GRID1: variants seen among roughly 807,000 people sequenced by gnomAD.
GRID1 encodes glutamate receptor ionotropic, delta-1.
GRID1 carries 28 observed loss-of-function variants against 98.0 expected under a neutral mutation model. The ratio of observed to expected loss-of-function variants is 0.29; its 90% confidence interval spans 0.21 to 0.39. The LOEUF is 0.39. GRID1 is among the 10% of genes least tolerant of loss of function. The pLI is 1.00. For missense variants in GRID1, 1,111 were observed against 1,340.5 expected, an observed-to-expected ratio of 0.83 and a Z score of 2.67; for synonymous variants, 553 against 538.5, an observed-to-expected ratio of 1.03 and a Z score of -0.37.
chr10:85,818,344 G>GGACA (rs148515518), intron 8 of GRID1, among the ~76,000 whole-genome samples: 30,662 of 151,962 alleles, frequency 0.2, 3,162 homozygotes, highest in South Asian at 0.27. Context: ...ATGGATGAAT[G>GGACA]GATAGATAGA....
intron 5 of GRID1, among the ~76,000 whole-genome samples, chr10:85,908,602 C>A: frequency 6.6e-6 from 1 of 152,110 alleles, no homozygotes; most frequent in East Asian, 1.9e-4. Flanking sequence ...TTTATGACAT[C>A]AATTCTCCCA....
intron 2 of GRID1, among the ~76,000 whole-genome samples, chr10:86,330,841 C>G (rs147286983): frequency 6.6e-6 from 1 of 152,230 alleles, no homozygotes; most frequent in Middle Eastern, 3.2e-3. Context: ...AGACCTGGTA[C>G]AACTGCCCTG....
chr10:85,675,084 T>C (rs954349043), intron 12 of GRID1, among the ~76,000 whole-genome samples: 3 of 152,168 alleles, frequency 2.0e-5, no homozygotes, highest in Admixed American at 2.0e-4. Context: ...TGTCATTTCC[T>C]CTTAGGAAAA....
intron 4 of GRID1, among the ~76,000 whole-genome samples, chr10:86,034,496 G>C (rs889642630): frequency 2.0e-5 from 3 of 152,084 alleles, no homozygotes; most frequent in African/African-American, 7.2e-5. Flanking sequence ...GCTCCAAGCA[G>C]TTGCCCATAG....
intron 4 of GRID1, among the ~76,000 whole-genome samples, chr10:86,015,718 A>G (rs1167171660): frequency 1.3e-5 from 2 of 152,140 alleles, no homozygotes; most frequent in East Asian, 1.9e-4. Flanking sequence ...TGGACTTCCC[A>G]TTGACTCTGT....
chr10:86,265,913 T>C lies in GRID1; in HGVS notation c.236-59265A>G, dbSNP rs1332190438. Among the ~76,000 whole-genome samples, 3 of 152,180 alleles carry C rather than the reference T, an allele frequency of 2.0e-5. No homozygotes were observed. In the East Asian group the frequency reaches 5.8e-4, roughly 29 times the overall value. ...TGATCAGCAGCCCAGCCTCCCATACTCCTGACTCATCCACTGCCCTGGCTC... is the reference window on the plus strand; with the variant it reads ...TGATCAGCAGCCCAGCCTCCCATACCCCTGACTCATCCACTGCCCTGGCTC... On this transcript the variant is annotated intron_variant, in intron 2 of 15. Transcript: ENST00000327946.
chr10:86,257,375 G>A (rs761764698), intron 2 of GRID1, among the ~76,000 whole-genome samples: 5 of 152,326 alleles, frequency 3.3e-5, no homozygotes, highest in South Asian at 2.1e-4. Context: ...AATACAGTGT[G>A]TGGGATACAA....
intron 3 of GRID1, among the ~76,000 whole-genome samples, chr10:86,199,688 C>T (rs1845921289): frequency 6.6e-6 from 1 of 152,134 alleles, no homozygotes; most frequent in East Asian, 1.9e-4. Context: ...GAGCTGTTAC[C>T]CGCTGGCATG....
intron 8 of GRID1, among the ~76,000 whole-genome samples, chr10:85,741,202 C>T (rs1841939767): frequency 1.3e-5 from 2 of 152,038 alleles, no homozygotes; most frequent in African/African-American, 4.8e-5. Flanking sequence ...ACTCAGGGTC[C>T]CAGATTATGC....
In GRID1 at chr10:86,035,619, C is replaced by G. The variant is rs7342141; in HGVS notation, c.726+103200G>C. Among the ~76,000 whole-genome samples, 603 of 152,246 alleles carry G rather than the reference C, an allele frequency of 4.0e-3. 4 individuals carry two copies. The highest frequency in any genetic ancestry group is 0.013 in the African/African-American group (553 of 41,528). ...CCCAGAGTCCCCTCTCAATGCAGGA[C>G]TTTTTGTACATTGAATAAATATTTT... On this transcript the variant is annotated intron_variant, in intron 4 of 15. Coordinates refer to ENST00000327946, the MANE Select transcript of GRID1 (RefSeq NM_017551.3).
chr10:85,718,475 C>T (rs1205702995), intron 12 of GRID1, among the ~76,000 whole-genome samples: 1 of 152,270 alleles, frequency 6.6e-6, no homozygotes, highest in African/African-American at 2.4e-5. Flanking sequence ...TCTGCCTGGG[C>T]ATCCAGGCGT....
At chr10:85,837,867 G>A (rs1439593407) in intron 8 of GRID1, among the ~76,000 whole-genome samples, 6 of 152,180 alleles carry the variant, frequency 3.9e-5, no homozygotes, top group South Asian at 2.1e-4. Flanking sequence ...CAAAGCTCAC[G>A]AAGCTACAGG....
intron 4 of GRID1, among the ~76,000 whole-genome samples, chr10:86,001,409 T>C (rs571432051): frequency 4.8e-4 from 73 of 152,186 alleles, no homozygotes; most frequent in African/African-American, 1.7e-3. Context: ...AGAAGGAAGA[T>C]TGATAAGACA....
chr10:85,812,895 C>T (rs1917149), intron 8 of GRID1, among the ~76,000 whole-genome samples: 1 of 151,370 alleles, frequency 6.6e-6, no homozygotes, highest in African/African-American at 2.4e-5. Flanking sequence ...TATATATATT[C>T]CCCTGCTCTC....
intron 4 of GRID1, among the ~76,000 whole-genome samples, chr10:86,046,244 G>T (rs1276962993): frequency 6.6e-6 from 1 of 152,186 alleles, no homozygotes; most frequent in Non-Finnish European, 1.5e-5. Flanking sequence ...ATTAAAAGTA[G>T]GTGTGAATAT....
intron 4 of GRID1, among the ~76,000 whole-genome samples, chr10:85,990,611 C>T (rs1196109799): frequency 6.6e-6 from 1 of 152,152 alleles, no homozygotes; most frequent in Admixed American, 6.5e-5. Context: ...TGTGCAAAGG[C>T]CATGGGGCTC....
At chr10:85,718,243 G>T (rs1458238583) in intron 12 of GRID1, among the ~76,000 whole-genome samples, 1 of 152,208 alleles carries the variant, frequency 6.6e-6, no homozygotes, top group Non-Finnish European at 1.5e-5. Flanking sequence ...CCTAGCAGAG[G>T]TTCTCCATGA....
At position 85,789,496 on chromosome 10, in the gene GRID1, C is replaced by G. The variant is rs7068486; in HGVS notation, c.1234-59882G>C. ...TGGCAGCTTGGAAGAAAGACCACCT[C>G]TTAGGGTGAAAATGGGTCTCAAAGC... is the stretch of plus-strand genomic sequence containing the variant. On this transcript the variant is annotated intron_variant, in intron 8 of 15. Transcript: ENST00000327946. 7.8e-3 allele frequency among the ~76,000 whole-genome samples: 1,183 copies of G among 152,262 alleles called. 17 individuals are homozygous for G. Among genetic ancestry groups the G allele is most frequent in the African/African-American group, 0.026 (1,083 of 41,552 alleles).
At chr10:85,771,703 C>T (rs1206433378) in intron 8 of GRID1, among the ~76,000 whole-genome samples, 1 of 152,252 alleles carries the variant, frequency 6.6e-6, no homozygotes, top group Middle Eastern at 3.4e-3. Flanking sequence ...TTTAAACCAG[C>T]AAATATCAAA....
Sources: gnomAD v4.1 joint callset for allele counts (sites outside exome capture counted in the v4.1 genomes callset) on GRCh38, gnomAD v4.1.1 for gene constraint, MANE v1.5 for transcripts, NCBI Gene and HGNC (gene_info 2026-07-23, HGNC 2026-07-21) for gene names.